The following GALNT1 variants were observed in gnomAD, a reference collection of about 807,000 sequenced individuals.
The protein encoded by GALNT1 is GalNAc transferase 1.
GALNT1 carries 17 observed loss-of-function variants against 65.7 expected under a neutral mutation model. That is an observed-to-expected ratio of 0.26 (90% CI 0.18 to 0.39). GALNT1 has a LOEUF of 0.39. Ranked by LOEUF, GALNT1 falls within the 10% of genes least tolerant of loss-of-function variation. The pLI, the probability that GALNT1 is intolerant of heterozygous loss-of-function variation, is 1.00. For missense variants in GALNT1, 460 were observed against 672.8 expected (o/e 0.68, Z 3.50); for synonymous variants, 210 against 219.7 (o/e 0.96, Z 0.39).
chr18:35,700,862 G>A (rs1239225059), intron 9 of GALNT1, among the ~76,000 whole-genome samples: 1 of 152,124 alleles, frequency 6.6e-6, no homozygotes, highest in Admixed American at 6.5e-5. Context: ...ATATGAGAGC[G>A]AGAGAAGCTG....
At chr18:35,664,521 C>A (rs536791005) in intron 3 of GALNT1, 1 of 152,250 alleles carries the variant, frequency 6.6e-6, no homozygotes, top group African/African-American at 2.4e-5. Flanking sequence ...CATTCTTGTT[C>A]ATGTCTTTTG....
intron 11 of GALNT1, among the ~76,000 whole-genome samples, chr18:35,704,157 C>G (rs764009903): frequency 1.3e-4 from 20 of 152,268 alleles, no homozygotes; most frequent in Non-Finnish European, 2.6e-4. Context: ...TTAAAGCATC[C>G]GTGGTAAACC....
At chr18:35,590,914 A>G (rs889856466) in intron 1 of GALNT1, among the ~76,000 whole-genome samples, 6 of 152,200 alleles carry the variant, frequency 3.9e-5, no homozygotes, top group African/African-American at 1.4e-4. Context: ...TTTCCATGCA[A>G]AGGGAACACT....
chr18:35,589,604 T>A (rs1441402539), intron 1 of GALNT1, among the ~76,000 whole-genome samples: 3 of 152,206 alleles, frequency 2.0e-5, no homozygotes, highest in African/African-American at 7.2e-5. Flanking sequence ...CTCACCATTT[T>A]ATTGTTCCTT....
At chr18:35,618,655 G>GT (rs532150136) in intron 1 of GALNT1, among the ~76,000 whole-genome samples, 276 of 149,836 alleles carry the variant, frequency 1.8e-3, no homozygotes, top group Admixed American at 2.3e-3. Context: ...TTATTTCAGA[G>GT]TTTTTTTTTT....
intron 1 of GALNT1, among the ~76,000 whole-genome samples, chr18:35,627,208 C>T (rs1325453994): frequency 6.6e-6 from 1 of 152,184 alleles, no homozygotes; most frequent in East Asian, 1.9e-4. Flanking sequence ...GGCATTGGAT[C>T]TCAGTAATAG....
intron 2 of GALNT1, among the ~76,000 whole-genome samples, chr18:35,660,208 T>A (rs2047457357): frequency 6.9e-6 from 1 of 145,484 alleles, no homozygotes. Flanking sequence ...ATTAGTATAT[T>A]TACCCCAAAA....
rs1007484987 is a variant in GALNT1 at position 35,690,025 on chromosome 18, T to C, written c.978+735T>C. On this transcript the variant is annotated intron_variant, in intron 7 of 11. Coordinates refer to ENST00000269195, the MANE Select transcript of GALNT1 (RefSeq NM_020474.4). ...AGATCCTATCCAGCTCTAACACTTA[T>C]AATCCTGGGAAAACTTGAAGGTAGG... Among the ~76,000 whole-genome samples, 8 of 152,116 alleles carry C rather than the reference T, an allele frequency of 5.3e-5. No homozygotes were observed. In the East Asian group the frequency reaches 5.8e-4, roughly 11 times the overall value.
chr18:35,640,868 A>G (rs2047151537), intron 1 of GALNT1, among the ~76,000 whole-genome samples: 1 of 152,256 alleles, frequency 6.6e-6, no homozygotes, highest in Non-Finnish European at 1.5e-5. Flanking sequence ...GGAGGGAATG[A>G]CATTGAATCC....
intron 1 of GALNT1, among the ~76,000 whole-genome samples, chr18:35,605,490 C>T (rs1331982859): frequency 8.6e-6 from 1 of 115,872 alleles, no homozygotes; most frequent in Non-Finnish European, 1.9e-5. Context: ...GACTCTGTCT[C>T]AAAAAAAAAA....
chr18:35,593,821 G>C lies in GALNT1; in HGVS notation c.-104+11959G>C, dbSNP rs527830505. Among the ~76,000 whole-genome samples, 3 of 152,166 alleles carry C rather than the reference G, an allele frequency of 2.0e-5. No individual in the cohort carries two copies. The South Asian group carries it at 6.2e-4, about 32-fold the overall frequency. ...CCTCTCGGGTTCAAGCTATTCTCCT[G>C]TCTCTGCCTCCTGAGTAGCTGGGAC... On this transcript the variant is annotated intron_variant, in intron 1 of 11. Transcript: ENST00000269195.
Position 35,709,993 on chromosome 18 carries a change from A to G in GALNT1, c.*223A>G, listed in dbSNP as rs545934436. 1 of 474,004 alleles carries G rather than the reference A, an allele frequency of 2.1e-6. No homozygotes were observed. Among genetic ancestry groups the G allele is most frequent in the Non-Finnish European group, 3.8e-6 (1 of 263,826 alleles). 29.4% of individuals were successfully genotyped at this position (474,004 alleles called of 1,614,324 possible). ...ACTGCATAGTAATGAGACTGTGCACACTGATGTTTACAAGATTGAAAGAGT... is the reference window on the plus strand; with the variant it reads ...ACTGCATAGTAATGAGACTGTGCACGCTGATGTTTACAAGATTGAAAGAGT... On this transcript the variant is annotated 3_prime_UTR_variant, in exon 12 of 12. Coordinates refer to ENST00000269195, the MANE Select transcript of GALNT1 (RefSeq NM_020474.4).
chr18:35,645,218 GTTTTT>G (rs1166987925), intron 1 of GALNT1, among the ~76,000 whole-genome samples: 3 of 54,326 alleles, frequency 5.5e-5, no homozygotes, highest in African/African-American at 7.2e-5. Context: ...TATTTTGAAT[GTTTTT>G]TTTTTTTTTT....
At chr18:35,689,059 T>G in intron 6 of GALNT1, 114 bp from the exon 7 acceptor site, 1 of 733,966 alleles carries the variant, frequency 1.4e-6, no homozygotes, top group South Asian at 1.6e-5. Flanking sequence ...ATGAAGAGTG[T>G]GAGAATAAGT....
At chr18:35,704,566 T>C (rs982796076) in intron 11 of GALNT1, among the ~76,000 whole-genome samples, 1 of 151,940 alleles carries the variant, frequency 6.6e-6, no homozygotes, top group Non-Finnish European at 1.5e-5. Context: ...CCTCAGTCTC[T>C]CAAAGTGCTG....
Position 35,703,569 on chromosome 18 carries a change from A to G in GALNT1, c.1459A>G (p.Lys487Glu). ...RTDDLCLDVS[K>E]LNGPVTMLKC... ...AGATGACCTTTGCTTGGATGTTTCCAAACTTAATGGCCCAGTTACAATGCT... is the reference window on the plus strand; with the variant it reads ...AGATGACCTTTGCTTGGATGTTTCCGAACTTAATGGCCCAGTTACAATGCT... Residue 487 changes from lysine to glutamate, a missense_variant, in exon 11 of 12, where the codon AAA becomes GAA. By Grantham distance (56) the Lys-to-Glu change is moderately conservative. Coordinates refer to ENST00000269195, the MANE Select transcript of GALNT1 (RefSeq NM_020474.4). 2 of 1,614,064 alleles carry G rather than the reference A, an allele frequency of 1.2e-6. No homozygotes were observed. Among genetic ancestry groups the G allele is most frequent in the Non-Finnish European group, 1.7e-6 (2 of 1,179,962 alleles).
chr18:35,692,998 G>C (rs1387050786), intron 9 of GALNT1, among the ~76,000 whole-genome samples: 1 of 152,158 alleles, frequency 6.6e-6, no homozygotes, highest in Non-Finnish European at 1.5e-5. Flanking sequence ...AATAAGTAAA[G>C]CAGAGATCCT....
intron 1 of GALNT1, among the ~76,000 whole-genome samples, chr18:35,602,151 T>G (rs1179261358): frequency 1.3e-5 from 2 of 150,036 alleles, no homozygotes; most frequent in Non-Finnish European, 3.0e-5. Context: ...TCTGGGTTGG[T>G]AATTTTTTTT....
intron 5 of GALNT1, among the ~76,000 whole-genome samples, chr18:35,686,351 G>A (rs549397140): frequency 1.3e-5 from 2 of 152,152 alleles, no homozygotes; most frequent in East Asian, 1.9e-4. Flanking sequence ...TGTACAGGCC[G>A]ATTCTAGCAT....
Sources: gnomAD v4.1 joint callset for allele counts (sites outside exome capture counted in the v4.1 genomes callset) on GRCh38, gnomAD v4.1.1 for gene constraint, MANE v1.5 for transcripts, NCBI Gene and HGNC (gene_info 2026-07-23, HGNC 2026-07-21) for gene names.